The following PRKAG1 variants were observed in gnomAD, a reference collection of about 807,000 sequenced individuals.
PRKAG1 encodes the protein 5'-AMP-activated protein kinase subunit gamma-1.
PRKAG1 carries 27 observed loss-of-function variants against 48.2 expected under a neutral mutation model. The observed-to-expected ratio is 0.56, with a 90% CI of 0.41 to 0.77. The LOEUF is 0.77. Ranked by LOEUF, PRKAG1 falls within the 30% of genes least tolerant of loss-of-function variation. PRKAG1 has a pLI of 0.00. For missense variants in PRKAG1, 287 were observed against 398.3 expected (o/e 0.72, Z 2.38); for synonymous variants, 130 against 147.7 (o/e 0.88, Z 0.87).
rs1941510811 is a variant in PRKAG1 at position 49,005,746 on chromosome 12, C to T, written c.165G>A (p.Leu55=). ...SSKLVVFDTS[L]QVKKAFFALV... is the part of the protein sequence containing the mutation. Reference sequence around the variant, plus strand: ...GGGAAAAGAGGATTTCACCCACCTGCAGGGACGTATCAAATACAACCAATT... The same window carrying T: ...GGGAAAAGAGGATTTCACCCACCTGTAGGGACGTATCAAATACAACCAATT... Residue 55 remains leucine (L), a synonymous_variant, in exon 3 of 12, where the codon CTG becomes CTA. Transcript: ENST00000548065. This position sits in a 1 kb window ranked among gnomAD's most constrained non-coding sequence, Gnocchi z 4.1. 1.2e-6 allele frequency: 2 copies of T among 1,613,346 alleles called. No individual in the cohort carries two copies. Among genetic ancestry groups the T allele is most frequent in the African/African-American group, 1.3e-5 (1 of 74,992 alleles).
rs1393017011 is a variant in PRKAG1 at position 49,018,405 on chromosome 12, A to G, written c.9+327T>C. 10 of 1,201,968 alleles carry G rather than the reference A, an allele frequency of 8.3e-6. No homozygotes were observed. In the South Asian group the frequency reaches 1.8e-4, roughly 22 times the overall value. 74.5% of individuals were successfully genotyped at this position (1,201,968 alleles called of 1,614,324 possible). On this transcript the variant is annotated intron_variant, in intron 1 of 11. Coordinates refer to ENST00000548065, the MANE Select transcript of PRKAG1 (RefSeq NM_002733.5). ...GCCGGCTCACAACCCTGCGCTCTCAAACCTCTAAAAGGGCTTGAGGTGCCA... is the reference window on the plus strand; with the variant it reads ...GCCGGCTCACAACCCTGCGCTCTCAGACCTCTAAAAGGGCTTGAGGTGCCA...
chr12:49,011,960 A>T (rs11168822), intron 2 of PRKAG1, among the ~76,000 whole-genome samples: 4,577 of 149,686 alleles, frequency 0.031, 240 homozygotes, highest in African/African-American at 0.1. Flanking sequence ...CAGGTTCTAA[A>T]AATTCTCCTG....
intron 2 of PRKAG1, chr12:49,009,498 T>C (rs1455159656): frequency 1.3e-5 from 2 of 152,310 alleles, no homozygotes; most frequent in Non-Finnish European, 2.9e-5. Flanking sequence ...TGGGTTTAAA[T>C]TTTTGCTACT....
rs200680991 is a variant in PRKAG1 at position 49,003,823 on chromosome 12, C to T, written c.637G>A (p.Val213Ile). The T allele has an allele frequency of 2.7e-5, 44 of 1,613,930 alleles. No individual in the cohort carries two copies. Among genetic ancestry groups the T allele is most frequent in the East Asian group, 4.5e-5 (2 of 44,890 alleles). Residue 213 changes from valine (V) to isoleucine (I), a missense_variant, in exon 9 of 12, where the codon GTC (valine) becomes ATC (isoleucine). Transcript: ENST00000548065. Reference protein sequence around the residue: ...NIAMVRTTTPVYVALGIFVQH... With the variant: ...NIAMVRTTTPIYVALGIFVQH... ...ACAAAAATCCCCAGAGCCACATAGA[C>T]GGGGGTGGTAGTGCGAACCATAGCA...
chr12:49,009,533 T>C (rs1449770602), intron 2 of PRKAG1: 4 of 152,240 alleles, frequency 2.6e-5, no homozygotes, highest in Non-Finnish European at 5.9e-5. Flanking sequence ...CAAGAGTTCC[T>C]TTTTGTTTTC....
Position 49,018,421 on chromosome 12 carries a change from T to C in PRKAG1, c.9+311A>G, listed in dbSNP as rs1036749675. On this transcript the variant is annotated intron_variant, in intron 1 of 11. Coordinates refer to ENST00000548065, the MANE Select transcript of PRKAG1 (RefSeq NM_002733.5). ...GCGCTCTCAAACCTCTAAAAGGGCT[T>C]GAGGTGCCAATAGGAAAGGAGGCCC... is the stretch of plus-strand genomic sequence containing the variant. 4 of 1,280,824 alleles carry C rather than the reference T, an allele frequency of 3.1e-6. No individual in the cohort carries two copies. In the African/African-American group the frequency reaches 6.2e-5, roughly 20 times the overall value. 79.3% of individuals were successfully genotyped at this position (1,280,824 alleles called of 1,614,324 possible). A position where few individuals can be genotyped will look rare whatever the true frequency, so the allele number is the denominator to read the frequency against.
intron 8 of PRKAG1, chr12:49,004,176 C>T: frequency 1.9e-6 from 1 of 530,754 alleles, no homozygotes; most frequent in Non-Finnish European, 3.2e-6. Context: ...CGTGTAGTCC[C>T]AGCTCTTCTG....
At chr12:49,011,687 C>T (rs1447933267) in intron 2 of PRKAG1, among the ~76,000 whole-genome samples, 1 of 151,910 alleles carries the variant, frequency 6.6e-6, no homozygotes, top group Non-Finnish European at 1.5e-5. Context: ...CTCAGCCTCC[C>T]AAGCAGCTGG....
At position 49,002,709 on chromosome 12, in the gene PRKAG1, G is replaced by A. The variant is rs200154398; in HGVS notation, c.*190C>T. ...AAAGTTTTTTCAAGTGTATGTGTGA[G>A]GGTAAGGGTAGCTATAAATCCATTC... On this transcript the variant is annotated 3_prime_UTR_variant, in exon 12 of 12. Coordinates refer to ENST00000548065, the MANE Select transcript of PRKAG1 (RefSeq NM_002733.5). 65 of 700,274 alleles carry A rather than the reference G, an allele frequency of 9.3e-5. No individual in the cohort carries two copies. Among genetic ancestry groups the A allele is most frequent in the Admixed American group, 8.3e-4 (41 of 49,366 alleles). The allele number at this position is 700,274 out of a possible 1,614,324, so 43.4% of individuals were successfully genotyped here.
rs1223796219 is a variant in PRKAG1, at chr12:49,003,602, G to C, written c.704-7C>G. On this transcript the variant is annotated splice_polypyrimidine_tract_variant and splice_region_variant and intron_variant, in intron 9 of 11. Transcript: ENST00000548065. The stretch of plus-strand genomic sequence containing the variant: ...TAGATGTCCACCACACGCCCTAGGG[G>C]GACAGAGGCAGCTCAGTAAGGAGGA... 6.2e-7 allele frequency: 1 copy of C among 1,613,410 alleles called. No homozygotes were observed. Among genetic ancestry groups the C allele is most frequent in the African/African-American group, 1.3e-5 (1 of 74,740 alleles).
At chr12:49,003,378 G>A in intron 10 of PRKAG1, 88 bp from the exon 11 acceptor site, 1 of 1,572,988 alleles carries the variant, frequency 6.4e-7, no homozygotes, top group East Asian at 2.2e-5. Context: ...GAGGGATTCA[G>A]GGCAATTGTC....
At chr12:49,018,623 G>A (rs1047016802) in intron 1 of PRKAG1, 109 bp downstream of exon 1, 8 of 1,583,140 alleles carry the variant, frequency 5.1e-6, no homozygotes, top group Non-Finnish European at 6.0e-6. Context: ...GCTGCTTTTT[G>A]TTTGCTAGAC....
chr12:49,005,181 A>G lies in PRKAG1; in HGVS notation c.310-16T>C. The G allele has an allele frequency of 6.2e-7, 1 of 1,614,122 alleles. No individual in the cohort carries two copies. Among genetic ancestry groups the G allele is most frequent in the Non-Finnish European group, 8.5e-7 (1 of 1,179,992 alleles). ...AGATCTGTACCTGAAAGCAGAAGCA[A>G]CAGAATTTGAGACCTGATCTCTCTG... On this transcript the variant is annotated splice_polypyrimidine_tract_variant and intron_variant, in intron 5 of 11. Transcript: ENST00000548065. The surrounding 1 kb of genome is among the most constrained non-coding windows in gnomAD (Gnocchi z 4.1).
chr12:49,007,087 C>A (rs915047456), intron 2 of PRKAG1, among the ~76,000 whole-genome samples: 1 of 151,976 alleles, frequency 6.6e-6, no homozygotes, highest in Non-Finnish European at 1.5e-5. Flanking sequence ...AAGTTTGAGA[C>A]CAGCCTGGCC....
chr12:49,007,701 T>A (rs929915635), intron 2 of PRKAG1, among the ~76,000 whole-genome samples: 6 of 152,140 alleles, frequency 3.9e-5, no homozygotes, highest in African/African-American at 1.4e-4. Flanking sequence ...TTTCCATTTT[T>A]TTTTTCATTT....
chr12:49,012,741 C>A, intron 2 of PRKAG1: 1 of 281,544 alleles, frequency 3.6e-6, no homozygotes, highest in East Asian at 8.6e-5. Flanking sequence ...ATCCTGGTAG[C>A]ACTGTTTCTG....
chr12:49,004,812 A>AGTGT (rs1941456691), intron 7 of PRKAG1, 152 bp downstream of exon 7: 30 of 962,092 alleles, frequency 3.1e-5, no homozygotes, highest in South Asian at 1.6e-5. Flanking sequence ...AGAGAGAGAG[A>AGTGT]CTGTGTGTGT....
Position 49,005,857 on chromosome 12 carries a change from A to G in PRKAG1, c.59-5T>C, listed in dbSNP as rs1320479458. On this transcript the variant is annotated splice_polypyrimidine_tract_variant and splice_region_variant and intron_variant, in intron 2 of 11. Coordinates refer to ENST00000548065, the MANE Select transcript of PRKAG1 (RefSeq NM_002733.5). This position sits in a 1 kb window ranked among gnomAD's most constrained non-coding sequence, Gnocchi z 4.1. ...TATTGTTGGATTCTGGGGTCTCTGC[A>G]TAGGGTGGGATAGTTAGTAGCTTCC... 3.9e-6 allele frequency: 6 copies of G among 1,555,798 alleles called. No homozygotes were observed. Among genetic ancestry groups the G allele is most frequent in the Non-Finnish European group, 3.5e-6 (4 of 1,149,904 alleles).
chr12:49,018,593 C>T, intron 1 of PRKAG1, 139 bp downstream of exon 1: 3 of 1,517,814 alleles, frequency 2.0e-6, no homozygotes, highest in Non-Finnish European at 2.6e-6. Context: ...AACAGGGTCA[C>T]GGGATAGGGC....
Sources: allele counts gnomAD v4.1 joint callset (sites outside exome capture counted in the v4.1 genomes callset), GRCh38; gene constraint gnomAD v4.1.1; non-coding constraint Gnocchi (gnomAD v3.1); transcripts MANE v1.5; gene names NCBI Gene and HGNC (gene_info 2026-07-23, HGNC 2026-07-21).